The following VSIG10L2 variants were observed in gnomAD, a reference collection of about 807,000 sequenced individuals.
VSIG10L2 encodes the protein V-set and immunoglobulin domain containing 10 like 2.
A neutral mutation model predicts 67.1 loss-of-function variants in VSIG10L2; 56 were observed. That is an observed-to-expected ratio of 0.83 (90% CI 0.67 to 1.04). VSIG10L2 has a LOEUF of 1.04. VSIG10L2 is among the 50% of genes least tolerant of loss of function. The pLI is 0.00. For synonymous variants in VSIG10L2, 360 were observed against 396.6 expected, an observed-to-expected ratio of 0.91 and a Z score of 1.10; for missense variants, 843 against 932.8, an observed-to-expected ratio of 0.90 and a Z score of 1.25.
In VSIG10L2 at chr11:125,955,842, A is replaced by G; in HGVS notation, c.2310A>G (p.Pro770=). ...PAGLETPTTT[P]GLDPAQETTD... is the part of the protein sequence containing the mutation. ...GCCTTGAAACACCAACCACCACCCC[A>G]GGTTTGGATCCTGCACAAGAAACCA... The change falls in exon 12 of 12, where the codon CCA becomes CCG. Residue 770 remains proline, a synonymous_variant. Coordinates refer to ENST00000686984, the MANE Select transcript of VSIG10L2 (RefSeq NM_001365077.2). The G allele has an allele frequency of 1.4e-6, 1 of 710,620 alleles. No homozygotes were observed. The highest frequency in any genetic ancestry group is 2.5e-6 in the Non-Finnish European group (1 of 394,874). 44.0% of individuals were successfully genotyped at this position (710,620 alleles called of 1,614,324 possible). A position where few individuals can be genotyped will look rare whatever the true frequency, so the allele number is the denominator to read the frequency against.
chr11:125,950,538 T>C (rs1354742024), intron 4 of VSIG10L2, among the ~76,000 whole-genome samples: 1 of 152,126 alleles, frequency 6.6e-6, no homozygotes, highest in African/African-American at 2.4e-5. Flanking sequence ...ACCCCGCCGC[T>C]AAGTGATTAT....
At chr11:125,951,664 A>T in intron 5 of VSIG10L2, 149 bp from the exon 6 acceptor site, 1 of 775,444 alleles carries the variant, frequency 1.3e-6, no homozygotes, top group Non-Finnish European at 2.0e-6. Flanking sequence ...CTGGCACATG[A>T]TCAATAAATG....
At chr11:125,948,762 T>A (rs961341790) in intron 3 of VSIG10L2, among the ~76,000 whole-genome samples, 182 bp downstream of exon 3, 9 of 152,232 alleles carry the variant, frequency 5.9e-5, no homozygotes, top group African/African-American at 2.2e-4. Flanking sequence ...CAGCTCTAGT[T>A]CCAGGCTGTT....
chr11:125,954,605 G>T (rs1029522554), intron 8 of VSIG10L2, among the ~76,000 whole-genome samples: 2 of 152,114 alleles, frequency 1.3e-5, no homozygotes, highest in African/African-American at 2.4e-5. Flanking sequence ...CAGGCTGAGG[G>T]TTAGGAACCC....
chr11:125,946,784 C>T lies in VSIG10L2; in HGVS notation c.82+647C>T, dbSNP rs555993132. On this transcript the variant is annotated intron_variant, in intron 1 of 11. Coordinates refer to ENST00000686984, the MANE Select transcript of VSIG10L2 (RefSeq NM_001365077.2). This position sits in a 1 kb window ranked among gnomAD's most constrained non-coding sequence, Gnocchi z 4.4. ...AACTCCTGACCTCAGGTGATCTGCC[C>T]GCCTCAGCCTCCCAGAGTGCTGGGA... 6.2e-3 allele frequency among the ~76,000 whole-genome samples: 943 copies of T among 152,252 alleles called. 11 individuals are homozygous for T. The highest frequency in any genetic ancestry group is 0.01 in the Middle Eastern group (3 of 294).
In VSIG10L2 at chr11:125,946,776, G is replaced by A. The variant is rs1180478663; in HGVS notation, c.82+639G>A. Among the ~76,000 whole-genome samples the A allele has an allele frequency of 6.6e-6, 1 of 152,164 alleles. No individual in the cohort carries two copies. The highest frequency in any genetic ancestry group is 2.4e-5 in the African/African-American group (1 of 41,446). ...TGGTCTCAAACTCCTGACCTCAGGT[G>A]ATCTGCCCGCCTCAGCCTCCCAGAG... On this transcript the variant is annotated intron_variant, in intron 1 of 11. Coordinates refer to ENST00000686984, the MANE Select transcript of VSIG10L2 (RefSeq NM_001365077.2). This position sits in a 1 kb window ranked among gnomAD's most constrained non-coding sequence, Gnocchi z 4.4.
At chr11:125,949,849 C>T (rs1379039861) in intron 3 of VSIG10L2, among the ~76,000 whole-genome samples, 165 bp from the exon 4 acceptor site, 6 of 152,146 alleles carry the variant, frequency 3.9e-5, no homozygotes, top group Admixed American at 1.3e-4. Context: ...TGGACTGTGC[C>T]CATGGCCCCT....
intron 6 of VSIG10L2, 148 bp from the exon 7 acceptor site, chr11:125,953,252 T>C: frequency 1.7e-6 from 1 of 604,112 alleles, no homozygotes; most frequent in Non-Finnish European, 2.4e-6. Flanking sequence ...AATGGGAACC[T>C]GAAGAGAAGG....
In VSIG10L2 at chr11:125,948,022, C is replaced by T. The variant is rs529184898; in HGVS notation, c.419C>T (p.Thr140Met). The T allele has an allele frequency of 1.3e-3, 1,623 of 1,232,288 alleles. 2 individuals carry two copies. Among genetic ancestry groups the T allele is most frequent in the Non-Finnish European group, 1.5e-3 (1,521 of 988,170 alleles). The allele number at this position is 1,232,288 out of a possible 1,614,324, so 76.3% of individuals were successfully genotyped here. A position where few individuals can be genotyped will look rare whatever the true frequency, so the allele number is the denominator to read the frequency against. ...GQLHAAYSHL[T>M]LAVLVPVSKP... ...CTCCACGCTGCCTACTCCCACCTCA[C>T]GCTGGCTGTGCTGGGTGAGGGCCTG... The change falls in exon 2 of 12, where the codon ACG becomes ATG. Residue 140 changes from threonine to methionine, a missense_variant. This residue lies in a region of VSIG10L2 where 446 missense variants were observed against 548.4 expected (regional missense o/e 0.81). Transcript: ENST00000686984.
At chr11:125,953,145 G>C (rs1354725319) in intron 6 of VSIG10L2, among the ~76,000 whole-genome samples, 1 of 152,194 alleles carries the variant, frequency 6.6e-6, no homozygotes, top group Non-Finnish European at 1.5e-5. Flanking sequence ...CAGGAGCCGA[G>C]GCTAGGGTGG....
At position 125,954,378 on chromosome 11, in the gene VSIG10L2, TAC is replaced by T; in HGVS notation, c.2079_2080del (p.Pro694SerfsTer64). On this transcript the variant is annotated frameshift_variant, in exon 8 of 12. Transcript: ENST00000686984. LOFTEE classifies it high-confidence loss of function. ...GCAGGACATCCCTCTGAGGTGAAGA[TAC>T]CAGGTGCCAGCTAATGCCAGGGAGG... 1 of 1,232,168 alleles carries T rather than the reference TAC, an allele frequency of 8.1e-7. No individual in the cohort carries two copies. The allele number at this position is 1,232,168 out of a possible 1,614,324, so 76.3% of individuals were successfully genotyped here.
chr11:125,951,796 G>T lies in VSIG10L2; in HGVS notation c.1235-17G>T, dbSNP rs1945375566. ...TCCTCCTTCCACAGGGCCATACTGA[G>T]CCATCATTCCTTCCAGGGGAGCCTC... On this transcript the variant is annotated splice_polypyrimidine_tract_variant and intron_variant, in intron 5 of 11. Transcript: ENST00000686984. 1 of 1,481,896 alleles carries T rather than the reference G, an allele frequency of 6.7e-7. No homozygotes were observed. The highest frequency in any genetic ancestry group is 1.4e-5 in the African/African-American group (1 of 72,236). 91.8% of individuals were successfully genotyped at this position (1,481,896 alleles called of 1,614,324 possible). A position where few individuals can be genotyped will look rare whatever the true frequency, so the allele number is the denominator to read the frequency against.
chr11:125,950,322 G>T (rs1414136006), intron 4 of VSIG10L2, 33 bp downstream of exon 4: 1 of 1,232,300 alleles, frequency 8.1e-7, no homozygotes, highest in African/African-American at 1.5e-5. Flanking sequence ...GCCCAGACCT[G>T]TCCTGGGGAC....
At chr11:125,948,785 G>A (rs549260947) in intron 3 of VSIG10L2, among the ~76,000 whole-genome samples, 4 of 152,388 alleles carry the variant, frequency 2.6e-5, no homozygotes, top group African/African-American at 9.6e-5. Context: ...CCTTATAAAG[G>A]TCAAGGACAC....
chr11:125,953,451 G>A lies in VSIG10L2; in HGVS notation c.1547G>A (p.Gly516Glu). The change falls in exon 7 of 12, where the codon GGA (glycine) becomes GAA (glutamate). Residue 516 changes from glycine (G) to glutamate (E), a missense_variant. Coordinates refer to ENST00000686984, the MANE Select transcript of VSIG10L2 (RefSeq NM_001365077.2). Reference protein sequence around the residue: ...AEPRVSVLEGGEAWLECSLRG... With the variant: ...AEPRVSVLEGEEAWLECSLRG... Reference sequence around the variant, plus strand: ...CCCCGCGTGTCAGTGTTGGAGGGGGGAGAGGCCTGGCTGGAGTGCTCTCTC... The same window carrying A: ...CCCCGCGTGTCAGTGTTGGAGGGGGAAGAGGCCTGGCTGGAGTGCTCTCTC... The A allele has an allele frequency of 8.1e-7, 1 of 1,232,366 alleles. No homozygotes were observed. The highest frequency in any genetic ancestry group is 3.2e-5 in the East Asian group (1 of 31,712). 76.3% of individuals were successfully genotyped at this position (1,232,366 alleles called of 1,614,324 possible).
Position 125,950,144 on chromosome 11 carries a change from G to T in VSIG10L2, c.840G>T (p.Trp280Cys). 1 of 1,232,324 alleles carries T rather than the reference G, an allele frequency of 8.1e-7. No individual in the cohort carries two copies. Among genetic ancestry groups the T allele is most frequent in the Non-Finnish European group, 1.0e-6 (1 of 988,090 alleles). 76.3% of individuals were successfully genotyped at this position (1,232,324 alleles called of 1,614,324 possible). The change falls in exon 4 of 12, where the codon TGG (tryptophan) becomes TGT (cysteine). Residue 280 changes from tryptophan to cysteine, a missense_variant. Trp to Cys is a radical substitution (Grantham distance 215). Around this residue, in one of 2 missense-constraint regions of VSIG10L2, gnomAD observed 446 missense variants for 548.4 expected, o/e 0.81. Transcript: ENST00000686984. ...CCAACCCACCTAGTCACTATGTGTG[G>T]CTCCGTGACCACACGCAAGTCCACA... is the stretch of plus-strand genomic sequence containing the variant. ...AASNPPSHYV[W>C]LRDHTQVHTG...
In VSIG10L2 at chr11:125,955,801, C is replaced by A; in HGVS notation, c.2285-16C>A. On this transcript the variant is annotated splice_polypyrimidine_tract_variant and intron_variant, in intron 11 of 11. Coordinates refer to ENST00000686984, the MANE Select transcript of VSIG10L2 (RefSeq NM_001365077.2). ...AAAGCATCCCTCTGTTCTTTGCCCA[C>A]ATATGCTCTTCATAGGCCTTGAAAC... 2 of 831,286 alleles carry A rather than the reference C, an allele frequency of 2.4e-6. No homozygotes were observed. Among genetic ancestry groups the A allele is most frequent in the Non-Finnish European group, 4.0e-6 (2 of 505,120 alleles). The allele number at this position is 831,286 out of a possible 1,614,324, so 51.5% of individuals were successfully genotyped here. A position where few individuals can be genotyped will look rare whatever the true frequency, so the allele number is the denominator to read the frequency against.
intron 3 of VSIG10L2, 119 bp downstream of exon 3, chr11:125,948,699 A>G (rs1444350284): frequency 2.7e-6 from 3 of 1,105,360 alleles, no homozygotes; most frequent in Non-Finnish European, 3.4e-6. Context: ...CTCGCCCTCT[A>G]AAAGTCTCCA....
chr11:125,948,444 A>G lies in VSIG10L2; in HGVS notation c.573A>G (p.Gly191=). ...AGCATCGGGCACCCCGAGGCCTTGGAGAGGCCCTGGTGGGGGTCACTGAGC... is the reference window on the plus strand; with the variant it reads ...AGCATCGGGCACCCCGAGGCCTTGGGGAGGCCCTGGTGGGGGTCACTGAGC... ...AWQHRAPRGL[G]EALVGVTEPL... is the part of the protein sequence containing the mutation. Residue 191 remains glycine, a synonymous_variant, in exon 3 of 12, where the codon GGA becomes GGG. Coordinates refer to ENST00000686984, the MANE Select transcript of VSIG10L2 (RefSeq NM_001365077.2). 1.6e-6 allele frequency: 2 copies of G among 1,232,430 alleles called. No homozygotes were observed. The highest frequency in any genetic ancestry group is 2.0e-6 in the Non-Finnish European group (2 of 988,200). 76.3% of individuals were successfully genotyped at this position (1,232,430 alleles called of 1,614,324 possible). A position where few individuals can be genotyped will look rare whatever the true frequency, so the allele number is the denominator to read the frequency against.
Sources: gnomAD v4.1 joint callset for allele counts (sites outside exome capture counted in the v4.1 genomes callset) on GRCh38, gnomAD v4.1.1 for gene constraint, gnomAD v4.1.1 regional missense constraint, Gnocchi (gnomAD v3.1) non-coding constraint, MANE v1.5 for transcripts, NCBI Gene and HGNC (gene_info 2026-07-23, HGNC 2026-07-21) for gene names.